The following CDKAL1 variants were observed in gnomAD, a reference collection of about 807,000 sequenced individuals.
The protein encoded by CDKAL1 is CDKAL1 threonylcarbamoyladenosine tRNA methylthiotransferase.
A neutral mutation model predicts 68.2 loss-of-function variants in CDKAL1; 32 were observed. That is an observed-to-expected ratio of 0.47 (90% CI 0.35 to 0.63). The LOEUF is 0.63. Among genes scored for constraint, CDKAL1 ranks in the 30% least tolerant of loss-of-function variants. CDKAL1 has a pLI of 0.00. For missense variants in CDKAL1, 606 were observed against 696.7 expected, an observed-to-expected ratio of 0.87 and a Z score of 1.47; for synonymous variants, 234 against 244.3, an observed-to-expected ratio of 0.96 and a Z score of 0.39.
intron 13 of CDKAL1, among the ~76,000 whole-genome samples, chr6:21,161,762 CATA>C (rs1408438428): frequency 1.3e-5 from 2 of 152,040 alleles, no homozygotes; most frequent in African/African-American, 4.8e-5. Context: ...ATTAAGCAGA[CATA>C]ATATAACACA....
intron 9 of CDKAL1, among the ~76,000 whole-genome samples, chr6:20,930,004 C>G (rs1292542427): frequency 6.6e-6 from 1 of 152,164 alleles, no homozygotes; most frequent in Non-Finnish European, 1.5e-5. Context: ...AGTTGGCTTA[C>G]AAGAACATTT....
chr6:20,555,604 C>T (rs867717030), intron 4 of CDKAL1, among the ~76,000 whole-genome samples: 11 of 147,440 alleles, frequency 7.5e-5, no homozygotes, highest in African/African-American at 2.5e-4. Context: ...CAGGTGTGAG[C>T]CACTGTGCCC....
intron 4 of CDKAL1, among the ~76,000 whole-genome samples, chr6:20,629,598 G>A (rs932647723): frequency 3.9e-5 from 6 of 152,112 alleles, no homozygotes; most frequent in African/African-American, 1.4e-4. Context: ...AACCTGCACA[G>A]GCCATCCTGC....
At chr6:21,200,509 G>C (rs781196229) in intron 14 of CDKAL1, among the ~76,000 whole-genome samples, 2 of 152,124 alleles carry the variant, frequency 1.3e-5, no homozygotes, top group Admixed American at 1.3e-4. Flanking sequence ...ACACAAACAC[G>C]CAGGCCTGTT....
chr6:20,612,077 T>C (rs1017276612), intron 4 of CDKAL1, among the ~76,000 whole-genome samples: 2 of 152,196 alleles, frequency 1.3e-5, no homozygotes, highest in Admixed American at 6.5e-5. Flanking sequence ...GCAAATGATA[T>C]GATTTTGTTC....
chr6:20,855,230 G>A (rs1311369298), intron 9 of CDKAL1, among the ~76,000 whole-genome samples: 1 of 151,956 alleles, frequency 6.6e-6, no homozygotes, highest in East Asian at 1.9e-4. Flanking sequence ...ATCACCTGGG[G>A]TCAGGAGTTC....
At chr6:20,812,606 A>C (rs1177228100) in intron 8 of CDKAL1, among the ~76,000 whole-genome samples, 1 of 152,186 alleles carries the variant, frequency 6.6e-6, no homozygotes, top group Non-Finnish European at 1.5e-5. Context: ...TGCAGTTTCT[A>C]GAGTTTTACA....
intron 4 of CDKAL1, among the ~76,000 whole-genome samples, chr6:20,639,594 A>G (rs1768070838): frequency 6.6e-6 from 1 of 152,252 alleles, no homozygotes; most frequent in African/African-American, 2.4e-5. Context: ...CATGCTGAGC[A>G]TTGTGTAAGT....
intron 9 of CDKAL1, among the ~76,000 whole-genome samples, chr6:20,916,572 G>A (rs1762732863): frequency 6.6e-6 from 1 of 152,170 alleles, no homozygotes; most frequent in Non-Finnish European, 1.5e-5. Flanking sequence ...CAGTGGGCAG[G>A]AAGATTGGAT....
chr6:20,558,592 G>C (rs992441952), intron 4 of CDKAL1: 2 of 456,436 alleles, frequency 4.4e-6, no homozygotes, highest in African/African-American at 2.0e-5. Flanking sequence ...TGGCTAGCCT[G>C]GGCCAGGAAA....
chr6:21,225,160 G>A (rs950082885), intron 15 of CDKAL1, among the ~76,000 whole-genome samples: 1 of 152,184 alleles, frequency 6.6e-6, no homozygotes, highest in Non-Finnish European at 1.5e-5. Flanking sequence ...GCCATGAGGA[G>A]GGCCAGCTGA....
At chr6:20,732,268 T>TTC (rs1772979650) in intron 5 of CDKAL1, among the ~76,000 whole-genome samples, 1 of 107,824 alleles carries the variant, frequency 9.3e-6, no homozygotes, top group Non-Finnish European at 2.1e-5. Flanking sequence ...TCTTTCTTTT[T>TTC]TTTTTTTTTT....
intron 10 of CDKAL1, among the ~76,000 whole-genome samples, chr6:20,994,972 A>G (rs1227271728): frequency 6.6e-6 from 1 of 152,204 alleles, no homozygotes; most frequent in Admixed American, 6.5e-5. Context: ...CTACATTTGT[A>G]TATTATCATA....
intron 8 of CDKAL1, among the ~76,000 whole-genome samples, chr6:20,804,663 G>A (rs778994566): frequency 3.3e-5 from 5 of 152,156 alleles, no homozygotes; most frequent in Admixed American, 1.3e-4. Flanking sequence ...TTGAGCAGCT[G>A]CAGCAGACAG....
intron 8 of CDKAL1, among the ~76,000 whole-genome samples, chr6:20,831,334 G>A (rs1036230290): frequency 6.6e-6 from 1 of 152,114 alleles, no homozygotes; most frequent in African/African-American, 2.4e-5. Context: ...GCAAGAGGTC[G>A]GGTGAATATG....
chr6:20,737,707 C>T (rs927712592), intron 5 of CDKAL1, among the ~76,000 whole-genome samples: 15 of 152,276 alleles, frequency 9.9e-5, no homozygotes, highest in African/African-American at 3.6e-4. Context: ...GTGGCAGAGC[C>T]AGGCAATAAT....
intron 9 of CDKAL1, among the ~76,000 whole-genome samples, chr6:20,941,324 C>T (rs1581876455): frequency 6.6e-6 from 1 of 152,056 alleles, no homozygotes. Context: ...TTATAGTCAG[C>T]ATTTTATAGG....
intron 8 of CDKAL1, among the ~76,000 whole-genome samples, chr6:20,834,634 C>T (rs780251179): frequency 2.0e-5 from 3 of 152,116 alleles, no homozygotes; most frequent in Non-Finnish European, 2.9e-5. Flanking sequence ...TCAGACTAAG[C>T]TTATCTTTAT....
At chr6:20,677,090 T>C (rs1770149353) in intron 5 of CDKAL1, among the ~76,000 whole-genome samples, 1 of 150,792 alleles carries the variant, frequency 6.6e-6, no homozygotes, top group Admixed American at 6.6e-5. Context: ...TGTGTGTGTG[T>C]GATAGAGTCT....
Sources: allele counts gnomAD v4.1 joint callset (sites outside exome capture counted in the v4.1 genomes callset), GRCh38; gene constraint gnomAD v4.1.1; transcripts MANE v1.5; gene names NCBI Gene and HGNC (gene_info 2026-07-23, HGNC 2026-07-21).